The following GOLGB1 variants were observed in gnomAD, a reference collection of about 807,000 sequenced individuals.
The protein encoded by GOLGB1 is golgin B1.
In GOLGB1, 174 loss-of-function variants were observed where a neutral mutation model predicts 336.9. That is an observed-to-expected ratio of 0.52 (90% CI 0.46 to 0.59). GOLGB1 has a LOEUF of 0.59. Among genes scored for constraint, GOLGB1 ranks in the 20% least tolerant of loss-of-function variants. The pLI is 0.00. For synonymous variants in GOLGB1, 1,208 were observed against 1,289.2 expected, an observed-to-expected ratio of 0.94 and a Z score of 1.35; for missense variants, 3,331 against 3,645.3, an observed-to-expected ratio of 0.91 and a Z score of 2.22.
At chr3:121,726,657 A>C (rs1364546015) in intron 5 of GOLGB1, among the ~76,000 whole-genome samples, 1 of 152,094 alleles carries the variant, frequency 6.6e-6, no homozygotes, top group African/African-American at 2.4e-5. Context: ...AACAAACAAA[A>C]AAACAAACTT....
chr3:121,726,474 A>AT (rs1230764376), intron 5 of GOLGB1, among the ~76,000 whole-genome samples: 1 of 150,228 alleles, frequency 6.7e-6, no homozygotes, highest in Non-Finnish European at 1.5e-5. Flanking sequence ...AGAAAAAAAA[A>AT]TTATACAGAG....
intron 8 of GOLGB1, 37 bp from the exon 9 acceptor site, chr3:121,717,176 C>T: frequency 2.0e-6 from 3 of 1,494,176 alleles, no homozygotes; most frequent in Non-Finnish European, 2.7e-6. Context: ...GCCATAAATA[C>T]ATTATTTCAT....
At chr3:121,740,614 G>C (rs1434263923) in intron 1 of GOLGB1, among the ~76,000 whole-genome samples, 1 of 152,088 alleles carries the variant, frequency 6.6e-6, no homozygotes, top group Non-Finnish European at 1.5e-5. Flanking sequence ...CACTATCTTT[G>C]CAAATTTTCT....
In GOLGB1 at chr3:121,696,389, T is replaced by G; in HGVS notation, c.4134A>C (p.Lys1378Asn). The G allele has an allele frequency of 6.2e-7, 1 of 1,614,202 alleles. No individual in the cohort carries two copies. The change falls in exon 13 of 22, where the codon AAA (lysine) becomes AAC (asparagine). Residue 1378 changes from lysine (K) to asparagine (N), a missense_variant. Coordinates refer to ENST00000614479, the MANE Select transcript of GOLGB1 (RefSeq NM_001366282.2). ...CAATTTGTAGTTGGCTGCTTTCCAA[T>G]TTCTGCTGCAGGCTTTCGGCATGGA... ...AEVHAESLQQ[K>N]LESSQLQIAG...
intron 12 of GOLGB1, 86 bp from the exon 13 acceptor site, chr3:121,699,015 T>G (rs912178544): frequency 9.9e-7 from 1 of 1,010,124 alleles, no homozygotes; most frequent in African/African-American, 1.6e-5. Context: ...GTATTTCATC[T>G]TCTAAAACTT....
chr3:121,726,433 C>CAAAAAAAAAAAA (rs10547964), intron 5 of GOLGB1, among the ~76,000 whole-genome samples: 2 of 61,420 alleles, frequency 3.3e-5, no homozygotes, highest in Admixed American at 2.4e-4. Flanking sequence ...CACCCTGTCT[C>CAAAAAAAAAAAA]AAAAAAAAAA....
chr3:121,730,548 C>T (rs888959490), intron 2 of GOLGB1, among the ~76,000 whole-genome samples: 1 of 152,154 alleles, frequency 6.6e-6, no homozygotes, highest in African/African-American at 2.4e-5. Context: ...GTTCCAGTTT[C>T]CTCATTTGTC....
At chr3:121,745,044 T>C (rs1947151647) in intron 1 of GOLGB1, among the ~76,000 whole-genome samples, 1 of 152,076 alleles carries the variant, frequency 6.6e-6, no homozygotes, top group Non-Finnish European at 1.5e-5. Flanking sequence ...AGGAATAATC[T>C]GGAAATGTAA....
chr3:121,703,957 T>A (rs1159956988), intron 10 of GOLGB1, among the ~76,000 whole-genome samples: 3 of 151,688 alleles, frequency 2.0e-5, no homozygotes, highest in Admixed American at 1.3e-4. Context: ...CAAAAAAAAA[T>A]AATGAACCAG....
In GOLGB1 at chr3:121,698,393, T is replaced by G; in HGVS notation, c.2130A>C (p.Glu710Asp). Residue 710 changes from glutamate to aspartate, a missense_variant, in exon 13 of 22, where the codon GAA (glutamate) becomes GAC (aspartate). Transcript: ENST00000614479. ...ELELNFHKAQ[E>D]IYEKNLDEKA... ...TCTCATCTAAATTTTTCTCATAGAT[T>G]TCTTGTGCTTTATGAAAGTTTAGCT... 5.6e-6 allele frequency: 9 copies of G among 1,613,902 alleles called. No individual in the cohort carries two copies. Among genetic ancestry groups the G allele is most frequent in the Non-Finnish European group, 7.6e-6 (9 of 1,179,886 alleles).
intron 17 of GOLGB1, among the ~76,000 whole-genome samples, chr3:121,672,687 C>A (rs1307707061): frequency 6.6e-6 from 1 of 152,156 alleles, no homozygotes; most frequent in Non-Finnish European, 1.5e-5. Flanking sequence ...TCAGGACTTA[C>A]ACAAAAAAAG....
intron 20 of GOLGB1, among the ~76,000 whole-genome samples, chr3:121,666,281 G>C (rs2107524204): frequency 1.3e-5 from 2 of 152,334 alleles, no homozygotes; most frequent in Middle Eastern, 3.4e-3. Flanking sequence ...CAGAGCTAAA[G>C]AGGGAATTGT....
chr3:121,691,851 C>G lies in GOLGB1; in HGVS notation c.7513G>C (p.Glu2505Gln), dbSNP rs746165580. 2.5e-6 allele frequency: 4 copies of G among 1,613,392 alleles called. No homozygotes were observed. Among genetic ancestry groups the G allele is most frequent in the Non-Finnish European group, 3.4e-6 (4 of 1,179,628 alleles). The change falls in exon 14 of 22, where the codon GAG becomes CAG. Residue 2505 changes from glutamate to glutamine, a missense_variant. By Grantham distance (29) the Glu-to-Gln change is conservative (BLOSUM62 2). Coordinates refer to ENST00000614479, the MANE Select transcript of GOLGB1 (RefSeq NM_001366282.2). The stretch of plus-strand genomic sequence containing the variant: ...AGCTTATTATTCTCTGCAGCAGCCT[C>G]TTGGATGAGTTGGTCTTTTTCCAAG... ...IILEKDQLIQ[E>Q]AAAENNKLKE... is the part of the protein sequence containing the mutation.
chr3:121,671,070 T>C (rs1159769883), intron 17 of GOLGB1, among the ~76,000 whole-genome samples: 1 of 152,218 alleles, frequency 6.6e-6, no homozygotes, highest in African/African-American at 2.4e-5. Flanking sequence ...TTCTATATTG[T>C]CTATGGCTGC....
chr3:121,684,333 A>C (rs957596658), intron 14 of GOLGB1, among the ~76,000 whole-genome samples: 2 of 151,492 alleles, frequency 1.3e-5, no homozygotes, highest in African/African-American at 4.8e-5. Flanking sequence ...AAGGTCCTAC[A>C]TCTAAATAAC....
chr3:121,681,923 A>G, intron 14 of GOLGB1, 58 bp from the exon 15 acceptor site: 1 of 1,160,258 alleles, frequency 8.6e-7, no homozygotes, highest in Admixed American at 1.8e-5. Context: ...TCTAACTGTA[A>G]GTCATTGGTA....
At chr3:121,701,028 C>A (rs1943360442) in intron 11 of GOLGB1, among the ~76,000 whole-genome samples, 3 of 152,030 alleles carry the variant, frequency 2.0e-5, no homozygotes, top group Admixed American at 2.0e-4. Flanking sequence ...ATAGATGAGA[C>A]AAGGGAATTC....
rs766287627 is a variant in GOLGB1, at chr3:121,696,677, T to C, written c.3846A>G (p.Gln1282=). Residue 1282 remains glutamine, a synonymous_variant, in exon 13 of 22, where the codon CAA becomes CAG. Coordinates refer to ENST00000614479, the MANE Select transcript of GOLGB1 (RefSeq NM_001366282.2). The part of the protein sequence containing the change: ...LFKATEQHHT[Q]PVLESNLCPD... ...GGCACAAGTTGGACTCTAAAACAGG[T>C]TGAGTGTGATGCTGTTCTGTGGCTT... 2 of 1,614,020 alleles carry C rather than the reference T, an allele frequency of 1.2e-6. No individual in the cohort carries two copies. Among genetic ancestry groups the C allele is most frequent in the South Asian group, 1.1e-5 (1 of 91,074 alleles).
At chr3:121,718,667 C>T (rs143715149) in intron 7 of GOLGB1, among the ~76,000 whole-genome samples, 166 bp from the exon 8 acceptor site, 73 of 152,220 alleles carry the variant, frequency 4.8e-4, no homozygotes, top group Admixed American at 8.5e-4. Flanking sequence ...CCAGCAGCAA[C>T]GAAGAGTCTC....
Sources: allele counts gnomAD v4.1 joint callset (sites outside exome capture counted in the v4.1 genomes callset), GRCh38; gene constraint gnomAD v4.1.1; transcripts MANE v1.5; gene names NCBI Gene and HGNC (gene_info 2026-07-23, HGNC 2026-07-21).